Variants in FAM124A observed in about 807,000 individuals in gnomAD.
FAM124A encodes the protein family with sequence similarity 124 member A.
FAM124A carries 23 observed loss-of-function variants against 24.5 expected under a neutral mutation model. The observed-to-expected ratio is 0.94, with a 90% CI of 0.68 to 1.33. FAM124A has a LOEUF of 1.33. Among genes scored for constraint, FAM124A ranks in the 40% most tolerant of loss-of-function variants. The probability of loss-of-function intolerance (pLI) is 0.00; values close to 1 mark genes in which losing one functional copy is unlikely to be tolerated. For synonymous variants in FAM124A, 287 were observed against 314.7 expected (o/e 0.91, Z 0.93); for missense variants, 623 against 722.8 (o/e 0.86, Z 1.58).
chr13:51,265,723 G>A (rs1206012129), intron 3 of FAM124A, among the ~76,000 whole-genome samples: 1 of 152,030 alleles, frequency 6.6e-6, no homozygotes, highest in Non-Finnish European at 1.5e-5. Context: ...AACCACTAAG[G>A]ATTGAAATGC....
intron 3 of FAM124A, among the ~76,000 whole-genome samples, chr13:51,265,303 G>A (rs1954774009): frequency 1.3e-5 from 2 of 152,158 alleles, no homozygotes; most frequent in Non-Finnish European, 2.9e-5. Flanking sequence ...ATGGTGACCT[G>A]AGGAGGAGCT....
chr13:51,247,718 A>T (rs989763324), intron 2 of FAM124A, among the ~76,000 whole-genome samples: 3 of 152,144 alleles, frequency 2.0e-5, no homozygotes, highest in African/African-American at 7.2e-5. Flanking sequence ...GCATTCACTG[A>T]TGCTTAGCAA....
chr13:51,266,322 TTTTTTG>T lies in FAM124A; in HGVS notation c.835-14116_835-14111del, dbSNP rs894745445. On this transcript the variant is annotated intron_variant, in intron 3 of 3. Coordinates refer to ENST00000322475, the MANE Select transcript of FAM124A (RefSeq NM_001242312.2). The stretch of plus-strand genomic sequence containing the variant: ...GTATCTAAGTTGTACTCTTTTCCTT[TTTTTTG>T]TTTTTGTTTTTTTCTTTGAAACCAC... Among the ~76,000 whole-genome samples the T allele has an allele frequency of 5.3e-5, 8 of 152,212 alleles. No homozygotes were observed. In the East Asian group the frequency reaches 1.3e-3, roughly 26 times the overall value.
At chr13:51,276,120 G>A (rs1227848217) in intron 3 of FAM124A, among the ~76,000 whole-genome samples, 3 of 152,100 alleles carry the variant, frequency 2.0e-5, no homozygotes, top group Non-Finnish European at 4.4e-5. Flanking sequence ...GGGGTAGGCC[G>A]GGTCTTGTAG....
chr13:51,262,021 T>C (rs1954743518), intron 3 of FAM124A, among the ~76,000 whole-genome samples: 1 of 152,178 alleles, frequency 6.6e-6, no homozygotes, highest in African/African-American at 2.4e-5. Flanking sequence ...AGCCACGGCA[T>C]AGGGAAGTGG....
intron 3 of FAM124A, among the ~76,000 whole-genome samples, chr13:51,276,429 A>G (rs1954886506): frequency 6.6e-6 from 1 of 152,214 alleles, no homozygotes; most frequent in Non-Finnish European, 1.5e-5. Flanking sequence ...AGGTAGACAG[A>G]TGACAATCCA....
At chr13:51,228,130 C>T (rs1954335527) in intron 1 of FAM124A, among the ~76,000 whole-genome samples, 1 of 152,090 alleles carries the variant, frequency 6.6e-6, no homozygotes, top group Non-Finnish European at 1.5e-5. Context: ...ACATCAAGAT[C>T]AATTTTACAG....
At chr13:51,244,740 G>A (rs1347833626) in intron 2 of FAM124A, among the ~76,000 whole-genome samples, 5 of 152,254 alleles carry the variant, frequency 3.3e-5, no homozygotes, top group East Asian at 1.9e-4. Context: ...GGGCCCTGGC[G>A]CAAGCAGCAT....
intron 2 of FAM124A, 38 bp downstream of exon 2, chr13:51,231,417 G>A (rs763147820): frequency 4.3e-6 from 7 of 1,610,534 alleles, no homozygotes; most frequent in South Asian, 3.3e-5. Flanking sequence ...ATTGTCTAAC[G>A]GTCCCCGGAG....
chr13:51,256,023 G>A (rs962948580), intron 3 of FAM124A, among the ~76,000 whole-genome samples: 2 of 152,224 alleles, frequency 1.3e-5, no homozygotes, highest in African/African-American at 4.8e-5. Flanking sequence ...ATGTGGGGTT[G>A]TGCACTGTTC....
intron 1 of FAM124A, among the ~76,000 whole-genome samples, chr13:51,225,976 CTTTTTTTT>C (rs780570797): frequency 9.9e-4 from 67 of 67,574 alleles, no homozygotes; most frequent in African/African-American, 3.3e-3. Context: ...TGCTTGCTTT[CTTTTTTTT>C]TTTTTTTTTT....
At position 51,239,774 on chromosome 13, in the gene FAM124A, G is replaced by A. The variant is rs188102775; in HGVS notation, c.100+8395G>A. 2.3e-4 allele frequency among the ~76,000 whole-genome samples: 35 copies of A among 152,326 alleles called. No individual in the cohort carries two copies. In the East Asian group the frequency reaches 4.2e-3, roughly 18 times the overall value. On this transcript the variant is annotated intron_variant, in intron 2 of 3. Coordinates refer to ENST00000322475, the MANE Select transcript of FAM124A (RefSeq NM_001242312.2). ...TTCACTCTCCCACAGACATGGATGAGAGTGTCATAAAAATTGTGATTTTAT... is the reference window on the plus strand; with the variant it reads ...TTCACTCTCCCACAGACATGGATGAAAGTGTCATAAAAATTGTGATTTTAT...
chr13:51,281,272 G>C lies in FAM124A; in HGVS notation c.*16G>C. On this transcript the variant is annotated 3_prime_UTR_variant, in exon 4 of 4. Coordinates refer to ENST00000322475, the MANE Select transcript of FAM124A (RefSeq NM_001242312.2). ...CTACATCTGAATGCCCTCTGCTCTTGTTCTCGAAACACACAAACTCAGAGA... is the reference window on the plus strand; with the variant it reads ...CTACATCTGAATGCCCTCTGCTCTTCTTCTCGAAACACACAAACTCAGAGA... 6.5e-7 allele frequency: 1 copy of C among 1,534,290 alleles called. No individual in the cohort carries two copies. The highest frequency in any genetic ancestry group is 8.7e-7 in the Non-Finnish European group (1 of 1,145,588).
intron 1 of FAM124A, among the ~76,000 whole-genome samples, chr13:51,229,057 C>T (rs947731406): frequency 6.6e-6 from 1 of 152,166 alleles, no homozygotes; most frequent in Non-Finnish European, 1.5e-5. Flanking sequence ...AATTGTGTCT[C>T]CATCATTATG....
intron 2 of FAM124A, among the ~76,000 whole-genome samples, chr13:51,248,975 T>C (rs545213944): frequency 6.6e-6 from 1 of 152,312 alleles, no homozygotes; most frequent in Non-Finnish European, 1.5e-5. Context: ...TACCCCTTCA[T>C]AAAACCTTCC....
chr13:51,244,654 C>A (rs1464667044), intron 2 of FAM124A, among the ~76,000 whole-genome samples: 1 of 152,104 alleles, frequency 6.6e-6, no homozygotes, highest in African/African-American at 2.4e-5. Context: ...GGGAGGAGGG[C>A]TAGTCTGGCA....
At position 51,272,857 on chromosome 13, in the gene FAM124A, G is replaced by T. The variant is rs1267268115; in HGVS notation, c.835-7593G>T. ...CAGGAGGCTGAGGGAGTCCCCTCTCGGGAGAACTGGGAGGCTAGTGGCTGC... is the reference window on the plus strand; with the variant it reads ...CAGGAGGCTGAGGGAGTCCCCTCTCTGGAGAACTGGGAGGCTAGTGGCTGC... On this transcript the variant is annotated intron_variant, in intron 3 of 3. Transcript: ENST00000322475. This position sits in a 1 kb window ranked among gnomAD's most constrained non-coding sequence, Gnocchi z 4.2. 2.0e-5 allele frequency among the ~76,000 whole-genome samples: 3 copies of T among 152,200 alleles called. No individual in the cohort carries two copies.
At chr13:51,241,859 T>G (rs1954499391) in intron 2 of FAM124A, among the ~76,000 whole-genome samples, 1 of 152,228 alleles carries the variant, frequency 6.6e-6, no homozygotes, top group Non-Finnish European at 1.5e-5. Flanking sequence ...GGACGTGTTT[T>G]ATAAGCACAT....
At chr13:51,235,018 C>T (rs1954421178) in intron 2 of FAM124A, among the ~76,000 whole-genome samples, 1 of 152,216 alleles carries the variant, frequency 6.6e-6, no homozygotes, top group Non-Finnish European at 1.5e-5. Flanking sequence ...GACTTGTCCT[C>T]TGTCCCCGTC....
Sources: allele counts gnomAD v4.1 joint callset (sites outside exome capture counted in the v4.1 genomes callset), GRCh38; gene constraint gnomAD v4.1.1; non-coding constraint Gnocchi (gnomAD v3.1); transcripts MANE v1.5; gene names NCBI Gene and HGNC (gene_info 2026-07-23, HGNC 2026-07-21).